ARMC8: variants seen among roughly 807,000 people sequenced by gnomAD.
ARMC8 encodes the protein armadillo repeat-containing protein 8.
In ARMC8, 20 loss-of-function variants were observed where a neutral mutation model predicts 99.3. The observed-to-expected ratio is 0.20, with a 90% CI of 0.14 to 0.29. ARMC8 has a LOEUF of 0.29. Among genes scored for constraint, ARMC8 ranks in the 10% least tolerant of loss-of-function variants. The pLI is 1.00. For synonymous variants in ARMC8, 263 were observed against 278.3 expected, an observed-to-expected ratio of 0.95 and a Z score of 0.55; for missense variants, 569 against 809.5, an observed-to-expected ratio of 0.70 and a Z score of 3.60.
In ARMC8 at chr3:138,290,623, T is replaced by C; in HGVS notation, c.1972T>C (p.Ser658Pro). ...ILHKLSQSPD[S>P]NLCDKAKMAL... ...ACACAAACTGAGTCAGTCACCAGAT[T>C]CAAACCTTTGTGACAAGTGAGTATG... The change falls in exon 21 of 22, where the codon TCA (serine) becomes CCA (proline). Residue 658 changes from serine to proline, a missense_variant. By Grantham distance (74) the Ser-to-Pro change is moderately conservative. This residue lies in a region of ARMC8 where 227 missense variants were observed against 417.9 expected (regional missense o/e 0.54). Transcript: ENST00000469044. 1 of 1,602,764 alleles carries C rather than the reference T, an allele frequency of 6.2e-7. No individual in the cohort carries two copies. Among genetic ancestry groups the C allele is most frequent in the Non-Finnish European group, 8.5e-7 (1 of 1,174,560 alleles).
intron 1 of ARMC8, among the ~76,000 whole-genome samples, chr3:138,209,102 T>C (rs1186258939): frequency 1.3e-5 from 2 of 152,394 alleles, no homozygotes; most frequent in East Asian, 3.9e-4. Context: ...GACTGTTTCA[T>C]GGAGTCCTCA....
At chr3:138,187,784 G>A (rs1230164549) in intron 1 of ARMC8, 185 bp downstream of exon 1, 3 of 626,864 alleles carry the variant, frequency 4.8e-6, no homozygotes, top group Non-Finnish European at 8.0e-6. Context: ...CCGCGGCCGA[G>A]CCAAAGACGT....
intron 1 of ARMC8, among the ~76,000 whole-genome samples, chr3:138,207,684 T>C (rs1186210135): frequency 6.6e-6 from 1 of 152,198 alleles, no homozygotes; most frequent in Non-Finnish European, 1.5e-5. Flanking sequence ...CTGTAGCTTT[T>C]GGTTGTCATA....
At position 138,255,237 on chromosome 3, in the gene ARMC8, C is replaced by G. The variant is rs2047332268; in HGVS notation, c.1135-8502C>G. Among the ~76,000 whole-genome samples the G allele has an allele frequency of 2.9e-5, 4 of 136,174 alleles. No homozygotes were observed. The South Asian group carries it at 9.4e-4, about 32-fold the overall frequency. The allele number at this position is 136,174 out of a possible 152,430, so 89.3% of individuals were successfully genotyped here. ...TTTTTTTTTGAGATGGAGTCTCGCT[C>G]TGTTGCCCAGGCTGGAGTGCAGTGG... On this transcript the variant is annotated intron_variant, in intron 12 of 21. Transcript: ENST00000469044.
At chr3:138,212,029 GATAAC>G (rs1166355336) in intron 2 of ARMC8, among the ~76,000 whole-genome samples, 2 of 152,140 alleles carry the variant, frequency 1.3e-5, no homozygotes, top group Non-Finnish European at 2.9e-5. Flanking sequence ...GAATGTGAGT[GATAAC>G]ATTCTAGTAA....
intron 18 of ARMC8, among the ~76,000 whole-genome samples, chr3:138,280,479 G>A (rs1395927929): frequency 1.3e-5 from 2 of 148,442 alleles, no homozygotes; most frequent in Non-Finnish European, 3.0e-5. Flanking sequence ...CACCATGCCT[G>A]GTTACTTTCT....
Position 138,289,130 on chromosome 3 carries a change from T to C in ARMC8, c.1894+10T>C, listed in dbSNP as rs376176488. 5.6e-6 allele frequency: 9 copies of C among 1,608,170 alleles called. No homozygotes were observed. In the African/African-American group the frequency reaches 6.7e-5, roughly 12 times the overall value. On this transcript the variant is annotated intron_variant, in intron 20 of 21. Transcript: ENST00000469044. The stretch of plus-strand genomic sequence containing the variant: ...TGGAATGAAGAGGAAGGTAAGAGAT[T>C]GGTGAGATTTGTTTTGAAAAAAATT...
rs942945032 is a variant in ARMC8, at chr3:138,234,105, T to C, written c.529-929T>C. 4.6e-5 allele frequency among the ~76,000 whole-genome samples: 7 copies of C among 152,218 alleles called. No homozygotes were observed. In the East Asian group the frequency reaches 1.4e-3, roughly 29 times the overall value. ...TTAAGAACCAATACTTTTTTGTTTT[T>C]GTTTTTGTTTTTTTTTTTGAGACGG... On this transcript the variant is annotated intron_variant, in intron 6 of 21. Transcript: ENST00000469044.
At chr3:138,265,386 A>T (rs2048181147) in intron 14 of ARMC8, among the ~76,000 whole-genome samples, 1 of 152,002 alleles carries the variant, frequency 6.6e-6, no homozygotes. Flanking sequence ...TTTTTTTCTT[A>T]AGTGATCATA....
intron 14 of ARMC8, among the ~76,000 whole-genome samples, chr3:138,265,975 A>G (rs1194833556): frequency 6.6e-6 from 1 of 152,146 alleles, no homozygotes; most frequent in East Asian, 1.9e-4. Context: ...ATGATTCACT[A>G]CTCAGGAGCT....
chr3:138,219,471 CA>C (rs1355981548), intron 2 of ARMC8, among the ~76,000 whole-genome samples: 1 of 152,042 alleles, frequency 6.6e-6, no homozygotes, highest in Non-Finnish European at 1.5e-5. Flanking sequence ...TAAAGCTAGT[CA>C]GGGGAAAGTA....
At chr3:138,282,940 C>G (rs1446855065) in intron 18 of ARMC8, among the ~76,000 whole-genome samples, 1 of 152,184 alleles carries the variant, frequency 6.6e-6, no homozygotes, top group Non-Finnish European at 1.5e-5. Context: ...AAGACAGTTT[C>G]ACCATGTACC....
intron 2 of ARMC8, among the ~76,000 whole-genome samples, chr3:138,212,099 C>T (rs1470180088): frequency 6.6e-6 from 1 of 152,086 alleles, no homozygotes; most frequent in Non-Finnish European, 1.5e-5. Context: ...GGGGACAGAT[C>T]ACCCAACATT....
intron 5 of ARMC8, among the ~76,000 whole-genome samples, chr3:138,226,815 A>G (rs2045721951): frequency 6.6e-6 from 1 of 152,152 alleles, no homozygotes; most frequent in Non-Finnish European, 1.5e-5. Context: ...GAAAATTCTG[A>G]TCTATGCCAG....
intron 9 of ARMC8, chr3:138,238,827 A>G (rs2046463963): frequency 6.6e-6 from 1 of 152,242 alleles, no homozygotes; most frequent in African/African-American, 2.4e-5. Flanking sequence ...CAAAAAGGAA[A>G]TTCATTAATT....
At chr3:138,248,609 A>G (rs2046985414) in intron 12 of ARMC8, among the ~76,000 whole-genome samples, 1 of 152,232 alleles carries the variant, frequency 6.6e-6, no homozygotes, top group Non-Finnish European at 1.5e-5. Flanking sequence ...GTGGCAAACA[A>G]TCCTGTAATT....
intron 6 of ARMC8, among the ~76,000 whole-genome samples, chr3:138,231,488 AT>A (rs2046026482): frequency 1.3e-5 from 2 of 152,290 alleles, no homozygotes; most frequent in African/African-American, 4.8e-5. Flanking sequence ...TCATAATTAT[AT>A]TTTTGAAATT....
At chr3:138,239,170 C>A in intron 9 of ARMC8, 1 of 282,228 alleles carries the variant, frequency 3.5e-6, no homozygotes, top group Non-Finnish European at 6.7e-6. Flanking sequence ...AACATGTGCC[C>A]AGCACCTAGC....
chr3:138,191,250 A>G (rs191855790), intron 1 of ARMC8, among the ~76,000 whole-genome samples: 1 of 152,358 alleles, frequency 6.6e-6, no homozygotes, highest in Non-Finnish European at 1.5e-5. Context: ...AGACTGCACT[A>G]TGACCACCCC....
Sources: allele counts gnomAD v4.1 joint callset (sites outside exome capture counted in the v4.1 genomes callset), GRCh38; gene constraint gnomAD v4.1.1; regional missense constraint gnomAD v4.1.1; transcripts MANE v1.5; gene names NCBI Gene and HGNC (gene_info 2026-07-23, HGNC 2026-07-21).